The following RPS6KA2 variants were observed in gnomAD, a reference collection of about 807,000 sequenced individuals.
RPS6KA2 encodes the protein ribosomal protein S6 kinase alpha-2.
A neutral mutation model predicts 91.8 loss-of-function variants in RPS6KA2; 42 were observed. The observed-to-expected ratio is 0.46, with a 90% CI of 0.36 to 0.59. The LOEUF (loss-of-function observed/expected upper bound fraction) is 0.59, where lower values mean the gene tolerates loss of function less well. Among genes scored for constraint, RPS6KA2 ranks in the 20% least tolerant of loss-of-function variants. The probability of loss-of-function intolerance (pLI) is 0.00; values close to 1 mark genes in which losing one functional copy is unlikely to be tolerated. For synonymous variants in RPS6KA2, 414 were observed against 393.6 expected (o/e 1.05, Z -0.61); for missense variants, 798 against 978.5 (o/e 0.82, Z 2.46).
intron 1 of RPS6KA2, among the ~76,000 whole-genome samples, chr6:166,593,037 G>A (rs1302224205): frequency 6.6e-6 from 1 of 152,116 alleles, no homozygotes; most frequent in African/African-American, 2.4e-5. Flanking sequence ...ATGCAACCTC[G>A]ACAGACACCA....
intron 2 of RPS6KA2, among the ~76,000 whole-genome samples, chr6:166,856,002 C>T (rs1454206162): frequency 2.6e-5 from 4 of 152,190 alleles, no homozygotes; most frequent in African/African-American, 9.7e-5. Context: ...ACTTTCATTA[C>T]ATTCTATGAT....
At position 166,568,101 on chromosome 6, in the gene RPS6KA2, G is replaced by C. The variant is rs73788048; in HGVS notation, c.100-29317C>G. ...CCTGCTCTCGTAACCAAGAGAAAAGGGGACACTGGATGCCCACCACAGGCC... is the reference window on the plus strand; with the variant it reads ...CCTGCTCTCGTAACCAAGAGAAAAGCGGACACTGGATGCCCACCACAGGCC... On this transcript the variant is annotated intron_variant, in intron 1 of 20. Coordinates refer to ENST00000265678, the MANE Select transcript of RPS6KA2 (RefSeq NM_021135.6). 4.6e-3 allele frequency among the ~76,000 whole-genome samples: 704 copies of C among 152,266 alleles called. 5 individuals carry two copies. Among genetic ancestry groups the C allele is most frequent in the African/African-American group, 0.016 (663 of 41,540 alleles).
At chr6:166,851,130 C>T (rs1454924860) in intron 2 of RPS6KA2, among the ~76,000 whole-genome samples, 1 of 152,184 alleles carries the variant, frequency 6.6e-6, no homozygotes, top group Non-Finnish European at 1.5e-5. Flanking sequence ...GACCTCCTGC[C>T]CACTTCCCAG....
chr6:166,412,681 G>A lies in RPS6KA2; in HGVS notation c.*81C>T. 2 of 1,388,270 alleles carry A rather than the reference G, an allele frequency of 1.4e-6. No homozygotes were observed. The highest frequency in any genetic ancestry group is 1.9e-6 in the Non-Finnish European group (2 of 1,034,662). 86.0% of individuals were successfully genotyped at this position (1,388,270 alleles called of 1,614,324 possible). ...CCCTGCTGGACTTGTGGTCACTCTG[G>A]GTGCCAGACGGGCTCCGAGGCCGGG... On this transcript the variant is annotated 3_prime_UTR_variant, in exon 21 of 21. Transcript: ENST00000265678. This position sits in a 1 kb window ranked among gnomAD's most constrained non-coding sequence, Gnocchi z 4.3.
At chr6:166,472,889 A>G (rs1780823743) in intron 10 of RPS6KA2, among the ~76,000 whole-genome samples, 1 of 152,234 alleles carries the variant, frequency 6.6e-6, no homozygotes, top group Non-Finnish European at 1.5e-5. Flanking sequence ...AACTGTGAGC[A>G]CAGAAGGCCG....
intron 2 of RPS6KA2, among the ~76,000 whole-genome samples, chr6:166,747,816 C>T (rs534155906): frequency 4.6e-5 from 7 of 152,194 alleles, no homozygotes; most frequent in Non-Finnish European, 8.8e-5. Context: ...GCTTCCTTTC[C>T]AATGCAAACG....
chr6:166,423,313 G>A lies in RPS6KA2; in HGVS notation c.1686C>T (p.Arg562=), dbSNP rs1644980073. ...GTGTCATGAGCAGCCCGTTCCCCGC[G>A]CGCAGCTGCTTGGCAAAGCCGAAGT... ...VCDFGFAKQL[R]AGNGLLMTPC... is the part of the protein sequence containing the mutation. Residue 562 remains arginine (R), a synonymous_variant, in exon 17 of 21, where the codon CGC becomes CGT. Coordinates refer to ENST00000265678, the MANE Select transcript of RPS6KA2 (RefSeq NM_021135.6). This position sits in a 1 kb window ranked among gnomAD's most constrained non-coding sequence, Gnocchi z 4.8. 6.2e-7 allele frequency: 1 copy of A among 1,613,932 alleles called. No homozygotes were observed. Among genetic ancestry groups the A allele is most frequent in the South Asian group, 1.1e-5 (1 of 91,092 alleles).
At chr6:166,472,472 G>A (rs972474427) in intron 10 of RPS6KA2, among the ~76,000 whole-genome samples, 1 of 152,108 alleles carries the variant, frequency 6.6e-6, no homozygotes, top group Non-Finnish European at 1.5e-5. Context: ...CACCATGTTT[G>A]TATTTTAAGC....
intron 2 of RPS6KA2, among the ~76,000 whole-genome samples, chr6:166,714,973 C>T (rs977726361): frequency 5.9e-5 from 9 of 152,240 alleles, no homozygotes; most frequent in African/African-American, 1.4e-4. Context: ...CCTCCCTTCC[C>T]GTCCGGCCTG....
intron 2 of RPS6KA2, among the ~76,000 whole-genome samples, chr6:166,707,395 G>T (rs1207663915): frequency 6.6e-6 from 1 of 152,238 alleles, no homozygotes; most frequent in Non-Finnish European, 1.5e-5. Context: ...ATGATTCTTA[G>T]TAAGCAAATA....
intron 2 of RPS6KA2, among the ~76,000 whole-genome samples, chr6:166,664,511 A>G (rs908065875): frequency 6.6e-6 from 1 of 152,230 alleles, no homozygotes; most frequent in Non-Finnish European, 1.5e-5. Context: ...CCCTTGCGGC[A>G]TGGAGGAATC....
chr6:166,412,882 C>T lies in RPS6KA2; in HGVS notation c.2082G>A (p.Ala694=), dbSNP rs1474320007. The change falls in exon 21 of 21, where the codon GCG becomes GCA. Residue 694 remains alanine, a synonymous_variant. Transcript: ENST00000265678. This position sits in a 1 kb window ranked among gnomAD's most constrained non-coding sequence, Gnocchi z 4.3. The part of the protein sequence containing the change: ...SRQDVHLVKG[A]MAATYFALNR... ...TTAGAGCAAAGTAGGTGGCGGCCATCGCGCCCTGCAAAACAGAAGACAAGG... is the reference window on the plus strand; with the variant it reads ...TTAGAGCAAAGTAGGTGGCGGCCATTGCGCCCTGCAAAACAGAAGACAAGG... 8.4e-6 allele frequency: 13 copies of T among 1,553,852 alleles called. No individual in the cohort carries two copies. The highest frequency in any genetic ancestry group is 1.0e-5 in the Non-Finnish European group (12 of 1,148,394).
Position 166,659,066 on chromosome 6 carries a change from C to T in RPS6KA2, c.124-120282G>A, listed in dbSNP as rs948181364. Among the ~76,000 whole-genome samples, 37 of 118,388 alleles carry T rather than the reference C, an allele frequency of 3.1e-4. 1 individual carries two copies. Among genetic ancestry groups the T allele is most frequent in the Middle Eastern group, 4.7e-3 (1 of 214 alleles). The allele number at this position is 118,388 out of a possible 152,430, so 77.7% of individuals were successfully genotyped here. A position where few individuals can be genotyped will look rare whatever the true frequency, so the allele number is the denominator to read the frequency against. ...GGGAGGTAAGAAGCTCCCCACAACA[C>T]CCCCCCTTTTGTGGCGCTTACATGG... On this transcript the variant is annotated intron_variant, in intron 2 of 21. Transcript: ENST00000503859.
intron 1 of RPS6KA2, among the ~76,000 whole-genome samples, chr6:166,578,888 C>T (rs972539855): frequency 1.3e-5 from 2 of 152,208 alleles, no homozygotes; most frequent in Admixed American, 6.5e-5. Context: ...GGGACAGGAA[C>T]GTCACAGCTT....
At chr6:166,850,195 G>A (rs964539598) in intron 2 of RPS6KA2, among the ~76,000 whole-genome samples, 6 of 115,606 alleles carry the variant, frequency 5.2e-5, no homozygotes, top group Non-Finnish European at 1.3e-4. Flanking sequence ...ACATTACAAG[G>A]GTACAAGGAT....
At chr6:166,827,087 A>G (rs1350086600) in intron 2 of RPS6KA2, among the ~76,000 whole-genome samples, 2 of 152,066 alleles carry the variant, frequency 1.3e-5, no homozygotes, top group Non-Finnish European at 2.9e-5. Context: ...ATAAGTTGTA[A>G]AGGTTGTTAA....
intron 2 of RPS6KA2, among the ~76,000 whole-genome samples, chr6:166,822,381 G>T (rs187906205): frequency 6.6e-6 from 1 of 152,328 alleles, no homozygotes; most frequent in Non-Finnish European, 1.5e-5. Context: ...AGACACCCTG[G>T]CTTTGCTTGC....
intron 11 of RPS6KA2, among the ~76,000 whole-genome samples, chr6:166,462,497 G>A (rs1780354499): frequency 6.6e-6 from 1 of 152,196 alleles, no homozygotes; most frequent in South Asian, 2.1e-4. Context: ...CCTCTGGGCT[G>A]AGGCCATCCC....
rs920565354 is a variant in RPS6KA2 at position 166,648,141 on chromosome 6, C to T, written c.124-109357G>A. On this transcript the variant is annotated intron_variant, in intron 2 of 21. Coordinates refer to the RPS6KA2 transcript ENST00000503859. The surrounding 1 kb of genome is among the most constrained non-coding windows in gnomAD (Gnocchi z 4.8). ...ACACGCTCATACACATACATGCACACACGCACATGGTTACACACCCATGCA... is the reference window on the plus strand; with the variant it reads ...ACACGCTCATACACATACATGCACATACGCACATGGTTACACACCCATGCA... Among the ~76,000 whole-genome samples, 10 of 145,664 alleles carry T rather than the reference C, an allele frequency of 6.9e-5. 1 individual carries two copies. The highest frequency in any genetic ancestry group is 1.2e-4 in the Non-Finnish European group (8 of 66,608).
Sources: allele counts gnomAD v4.1 joint callset (sites outside exome capture counted in the v4.1 genomes callset), GRCh38; gene constraint gnomAD v4.1.1; non-coding constraint Gnocchi (gnomAD v3.1); transcripts MANE v1.5; gene names NCBI Gene and HGNC (gene_info 2026-07-23, HGNC 2026-07-21).